The following KIF26B variants were observed in gnomAD, a reference collection of about 807,000 sequenced individuals.
KIF26B encodes kinesin family member 26B, also known as kinesin-like protein KIF26B.
Under a neutral mutation model 151.2 loss-of-function variants are expected in KIF26B, and 63 were observed. The ratio of observed to expected loss-of-function variants is 0.42; its 90% CI spans 0.34 to 0.51. KIF26B has a LOEUF of 0.51. KIF26B is among the 20% of genes least tolerant of loss of function. The pLI, the probability that KIF26B is intolerant of heterozygous loss-of-function variation, is 0.07. For missense variants in KIF26B, 2,813 were observed against 2,913.6 expected, an observed-to-expected ratio of 0.97 and a Z score of 0.79; for synonymous variants, 1,357 against 1,262.1, an observed-to-expected ratio of 1.08 and a Z score of -1.59.
intron 2 of KIF26B, among the ~76,000 whole-genome samples, chr1:245,366,055 G>C (rs1043959559): frequency 6.6e-6 from 1 of 152,204 alleles, no homozygotes; most frequent in Non-Finnish European, 1.5e-5. Flanking sequence ...ACCTCTGTTC[G>C]AGGTTGCAAG....
At chr1:245,692,047 G>T (rs2044631850) in intron 12 of KIF26B, among the ~76,000 whole-genome samples, 1 of 152,184 alleles carries the variant, frequency 6.6e-6, no homozygotes, top group African/African-American at 2.4e-5. Flanking sequence ...AATAGCCATG[G>T]TCTCTCTGCT....
At chr1:245,624,457 A>C (rs977601735) in intron 9 of KIF26B, among the ~76,000 whole-genome samples, 1 of 152,194 alleles carries the variant, frequency 6.6e-6, no homozygotes, top group Non-Finnish European at 1.5e-5. Flanking sequence ...TTGCCTGTTT[A>C]CATAGTAGGT....
intron 5 of KIF26B, among the ~76,000 whole-genome samples, chr1:245,575,744 CATA>C (rs1455928112): frequency 2.0e-5 from 3 of 152,106 alleles, no homozygotes; most frequent in African/African-American, 7.2e-5. Flanking sequence ...CTGTCAATAT[CATA>C]ATATCATAAA....
chr1:245,188,280 CCA>C (rs1669035587), intron 2 of KIF26B, among the ~76,000 whole-genome samples: 1 of 3,360 alleles, frequency 3.0e-4, no homozygotes, highest in African/African-American at 8.0e-4. Flanking sequence ...AACTCCATCT[CCA>C]AAAAAAAAAA....
At chr1:245,233,634 C>G (rs1287260535) in intron 2 of KIF26B, among the ~76,000 whole-genome samples, 1 of 152,156 alleles carries the variant, frequency 6.6e-6, no homozygotes, top group Non-Finnish European at 1.5e-5. Context: ...TTTTCTTTCT[C>G]CCTACACACA....
chr1:245,685,588 G>C lies in KIF26B; in HGVS notation c.2605G>C (p.Gly869Arg), dbSNP rs199690740. The C allele has an allele frequency of 1.9e-6, 3 of 1,613,764 alleles. No individual in the cohort carries two copies. Among genetic ancestry groups the C allele is most frequent in the Non-Finnish European group, 1.7e-6 (2 of 1,179,866 alleles). ...GTCCTGCGACACCGTCATCTACATC[G>C]GGCCCAACGGCACGGCCCTCTCTGA... ...EQSCDTVIYI[G>R]PNGTALSDKE... Residue 869 changes from glycine (G) to arginine (R), a missense_variant, in exon 12 of 15, where the codon GGG becomes CGG. Physicochemically the swap from Gly to Arg is moderately radical, Grantham distance 125 (BLOSUM62 -2). This residue lies in a region of KIF26B where 2,060 missense variants were observed against 2,088.6 expected (regional missense o/e 0.99). Coordinates refer to ENST00000407071, the MANE Select transcript of KIF26B (RefSeq NM_018012.4).
intron 2 of KIF26B, among the ~76,000 whole-genome samples, chr1:245,211,882 C>T (rs1415384328): frequency 2.0e-5 from 3 of 152,194 alleles, no homozygotes; most frequent in Admixed American, 2.0e-4. Context: ...GGCACCGCAC[C>T]GTATCAAATG....
intron 2 of KIF26B, among the ~76,000 whole-genome samples, chr1:245,280,547 G>GAAAAA (rs200638765): frequency 9.0e-6 from 1 of 111,586 alleles, no homozygotes; most frequent in African/African-American, 3.9e-5. Flanking sequence ...AAAAAGAAAA[G>GAAAAA]AAATTATTTT....
chr1:245,687,754 C>T lies in KIF26B; in HGVS notation c.4771C>T (p.Arg1591Trp), dbSNP rs771032989. 7.6e-6 allele frequency: 12 copies of T among 1,578,654 alleles called. No homozygotes were observed. The highest frequency in any genetic ancestry group is 3.6e-5 in the Admixed American group (2 of 56,240). The part of the protein sequence containing the change: ...VASPKHCVLA[R>W]PKGTPPLPPV... Reference sequence around the variant, plus strand: ...TTCCCCCAAGCACTGTGTTCTGGCTCGGCCCAAAGGGACTCCCCCTCTGCC... The same window carrying T: ...TTCCCCCAAGCACTGTGTTCTGGCTTGGCCCAAAGGGACTCCCCCTCTGCC... Residue 1591 changes from arginine to tryptophan, a missense_variant, in exon 12 of 15, where the codon CGG (arginine) becomes TGG (tryptophan). Around this residue, in one of 3 missense-constraint regions of KIF26B, gnomAD observed 2,060 missense variants for 2,088.6 expected, o/e 0.99. Transcript: ENST00000407071. The surrounding 1 kb of genome is among the most constrained non-coding windows in gnomAD (Gnocchi z 4.9).
At chr1:245,408,267 A>G (rs2103030321) in intron 3 of KIF26B, among the ~76,000 whole-genome samples, 1 of 152,200 alleles carries the variant, frequency 6.6e-6, no homozygotes, top group Non-Finnish European at 1.5e-5. Context: ...ATCACAAAAC[A>G]CGGGATAGAG....
intron 10 of KIF26B, among the ~76,000 whole-genome samples, chr1:245,661,368 T>C (rs140306023): frequency 4.9e-4 from 74 of 152,124 alleles, no homozygotes; most frequent in African/African-American, 1.7e-3. Flanking sequence ...TTGTTCCTTT[T>C]GAGCCTTTTA....
At chr1:245,207,987 G>A (rs542667397) in intron 2 of KIF26B, among the ~76,000 whole-genome samples, 22 of 152,294 alleles carry the variant, frequency 1.4e-4, no homozygotes, top group African/African-American at 3.8e-4. Flanking sequence ...AAGCCCCCGC[G>A]GAGGTGGGCT....
At chr1:245,571,484 C>T (rs1237092904) in intron 5 of KIF26B, among the ~76,000 whole-genome samples, 2 of 152,234 alleles carry the variant, frequency 1.3e-5, no homozygotes, top group Non-Finnish European at 2.9e-5. Context: ...GTGATCAGAT[C>T]AGAACTGATG....
chr1:245,487,939 C>T (rs1477854300), intron 4 of KIF26B, among the ~76,000 whole-genome samples: 1 of 152,096 alleles, frequency 6.6e-6, no homozygotes, highest in Non-Finnish European at 1.5e-5. Flanking sequence ...TAGGCGCCTG[C>T]CACCATGCCC....
At chr1:245,191,277 C>T (rs536949859) in intron 2 of KIF26B, among the ~76,000 whole-genome samples, 1 of 151,838 alleles carries the variant, frequency 6.6e-6, no homozygotes, top group African/African-American at 2.4e-5. Flanking sequence ...GAGTTCGAGA[C>T]CAGCCTGGCC....
chr1:245,168,964 A>G (rs1195084772), intron 2 of KIF26B, among the ~76,000 whole-genome samples: 5 of 152,118 alleles, frequency 3.3e-5, no homozygotes, highest in African/African-American at 1.2e-4. Context: ...CCTGACTCTT[A>G]TTTCAAATCT....
intron 2 of KIF26B, among the ~76,000 whole-genome samples, chr1:245,311,808 T>C (rs926917369): frequency 7.2e-5 from 11 of 151,818 alleles, no homozygotes; most frequent in Non-Finnish European, 1.6e-4. Context: ...CAGGCGCCTG[T>C]AATCTCAGCT....
intron 2 of KIF26B, among the ~76,000 whole-genome samples, chr1:245,187,428 A>G (rs1411710625): frequency 2.0e-5 from 3 of 152,262 alleles, no homozygotes; most frequent in African/African-American, 7.2e-5. Flanking sequence ...GGATGCATTC[A>G]AAGCTCAGAC....
intron 3 of KIF26B, among the ~76,000 whole-genome samples, chr1:245,382,709 C>G (rs1673440721): frequency 6.6e-6 from 1 of 151,940 alleles, no homozygotes; most frequent in Non-Finnish European, 1.5e-5. Flanking sequence ...GCTGAGATTA[C>G]AGGCATGCAC....
Sources: allele counts gnomAD v4.1 joint callset (sites outside exome capture counted in the v4.1 genomes callset), GRCh38; gene constraint gnomAD v4.1.1; regional missense constraint gnomAD v4.1.1; non-coding constraint Gnocchi (gnomAD v3.1); transcripts MANE v1.5; gene names NCBI Gene and HGNC (gene_info 2026-07-23, HGNC 2026-07-21).